BCR: variants seen among roughly 807,000 people sequenced by gnomAD.
BCR encodes the protein BCR activator of RhoGEF and GTPase.
Under a neutral mutation model 138.6 loss-of-function variants are expected in BCR, and 58 were observed. That is an observed-to-expected ratio of 0.42 (90% CI 0.34 to 0.52). The LOEUF (loss-of-function observed/expected upper bound fraction) is 0.52. Among genes scored for constraint, BCR ranks in the 20% least tolerant of loss-of-function variants. BCR has a pLI of 0.06. For synonymous variants in BCR, 786 were observed against 730.1 expected, an observed-to-expected ratio of 1.08 and a Z score of -1.23; for missense variants, 1,599 against 1,727.2, an observed-to-expected ratio of 0.93 and a Z score of 1.32.
intron 1 of BCR, among the ~76,000 whole-genome samples, chr22:23,228,551 A>AT (rs2072918825): frequency 6.6e-6 from 1 of 152,236 alleles, no homozygotes; most frequent in South Asian, 2.1e-4. Context: ...AAGAGGCCTT[A>AT]TAGGGCTAAG....
intron 1 of BCR, among the ~76,000 whole-genome samples, chr22:23,196,370 CTG>C (rs970161564): frequency 1.3e-5 from 2 of 152,168 alleles, no homozygotes; most frequent in African/African-American, 2.4e-5. Flanking sequence ...TGGCGAGACT[CTG>C]TGGATGGATC....
chr22:23,197,985 G>A (rs1159133611), intron 1 of BCR, among the ~76,000 whole-genome samples: 1 of 152,150 alleles, frequency 6.6e-6, no homozygotes, highest in Admixed American at 6.5e-5. Context: ...AGGAAGGACA[G>A]AAGCGTGGGT....
chr22:23,235,566 G>A lies in BCR; in HGVS notation c.1280-18233G>A, dbSNP rs1245464748. 4.7e-5 allele frequency among the ~76,000 whole-genome samples: 5 copies of A among 106,840 alleles called. 2 individuals are homozygous for A. The highest frequency in any genetic ancestry group is 1.4e-4 in the African/African-American group (5 of 36,980). 70.1% of individuals were successfully genotyped at this position (106,840 alleles called of 152,430 possible). A position where few individuals can be genotyped will look rare whatever the true frequency, so the allele number is the denominator to read the frequency against. Reference sequence around the variant, plus strand: ...CGGCATAATGTGGGGACTGCAGAGAGGAAGGGACATGTTTATGTCCCAGGT... The same window carrying A: ...CGGCATAATGTGGGGACTGCAGAGAAGAAGGGACATGTTTATGTCCCAGGT... On this transcript the variant is annotated intron_variant, in intron 1 of 22. Coordinates refer to ENST00000305877, the MANE Select transcript of BCR (RefSeq NM_004327.4).
At chr22:23,223,819 A>G (rs2072857474) in intron 1 of BCR, among the ~76,000 whole-genome samples, 1 of 152,056 alleles carries the variant, frequency 6.6e-6, no homozygotes, top group African/African-American at 2.4e-5. Flanking sequence ...GGGGGCTTTG[A>G]TTGCTGTCCC....
intron 1 of BCR, among the ~76,000 whole-genome samples, chr22:23,224,117 G>C (rs1470904183): frequency 5.3e-5 from 8 of 152,222 alleles, no homozygotes; most frequent in Non-Finnish European, 1.2e-4. Flanking sequence ...GACAGGCTCG[G>C]GCGCAGATCT....
At chr22:23,192,152 C>A (rs2072423470) in intron 1 of BCR, among the ~76,000 whole-genome samples, 1 of 152,166 alleles carries the variant, frequency 6.6e-6, no homozygotes, top group Admixed American at 6.5e-5. Context: ...ATGGAGGCTG[C>A]TTCATGGGCC....
intron 1 of BCR, among the ~76,000 whole-genome samples, chr22:23,207,236 G>A (rs1165215339): frequency 6.6e-6 from 1 of 151,216 alleles, no homozygotes; most frequent in Non-Finnish European, 1.5e-5. Flanking sequence ...TGATAAAGGG[G>A]TGCTGGGATG....
intron 5 of BCR, among the ~76,000 whole-genome samples, 176 bp downstream of exon 5, chr22:23,268,691 G>A (rs9612268): frequency 0.18 from 27,650 of 152,242 alleles, 2,934 homozygotes; most frequent in Middle Eastern, 0.3. Context: ...TGCGCAGACC[G>A]AAGGAGCAGC....
chr22:23,271,811 G>C (rs1227904332), intron 6 of BCR, among the ~76,000 whole-genome samples: 3 of 152,098 alleles, frequency 2.0e-5, no homozygotes, highest in African/African-American at 7.2e-5. Context: ...TAGCAACAAG[G>C]TGCTGCTTAA....
At chr22:23,274,136 G>A (rs2073543488) in intron 8 of BCR, among the ~76,000 whole-genome samples, 1 of 152,174 alleles carries the variant, frequency 6.6e-6, no homozygotes, top group African/African-American at 2.4e-5. Context: ...TAGGAGGATG[G>A]CATTTTGTCT....
chr22:23,268,981 C>G (rs2073477535), intron 5 of BCR, among the ~76,000 whole-genome samples: 1 of 152,256 alleles, frequency 6.6e-6, no homozygotes, highest in South Asian at 2.1e-4. Context: ...GGCACCTGTG[C>G]TCTGTGGACC....
At chr22:23,263,236 T>G in intron 4 of BCR, 1 of 1,023,874 alleles carries the variant, frequency 9.8e-7, no homozygotes, top group Non-Finnish European at 1.4e-6. Flanking sequence ...GAAGTGCTGC[T>G]GCTGCACATG....
At chr22:23,268,542 G>A (rs2073472152) in intron 5 of BCR, 27 bp downstream of exon 5, 1 of 1,580,944 alleles carries the variant, frequency 6.3e-7, no homozygotes. Flanking sequence ...GTTCAGACAG[G>A]TGCACCGCTG....
At chr22:23,266,066 C>T (rs879668862) in intron 4 of BCR, among the ~76,000 whole-genome samples, 3 of 152,034 alleles carry the variant, frequency 2.0e-5, no homozygotes, top group Non-Finnish European at 4.4e-5. Flanking sequence ...CTTTGCTTGT[C>T]TTCCATGACC....
At chr22:23,293,252 G>A (rs977295095) in intron 15 of BCR, among the ~76,000 whole-genome samples, 1 of 152,122 alleles carries the variant, frequency 6.6e-6, no homozygotes, top group African/African-American at 2.4e-5. Flanking sequence ...CTGTGACCTC[G>A]AAGGTCTCAT....
chr22:23,222,372 G>C (rs2072835053), intron 1 of BCR, among the ~76,000 whole-genome samples: 1 of 152,198 alleles, frequency 6.6e-6, no homozygotes. Context: ...TAAGTGGGAA[G>C]GTGGAACACA....
At chr22:23,251,565 G>T (rs1486264637) in intron 1 of BCR, among the ~76,000 whole-genome samples, 2 of 152,200 alleles carry the variant, frequency 1.3e-5, no homozygotes, top group Non-Finnish European at 2.9e-5. Context: ...GGCTCTCCCC[G>T]GCCTTCCACG....
intron 1 of BCR, among the ~76,000 whole-genome samples, chr22:23,183,333 G>A (rs1414460393): frequency 6.6e-6 from 1 of 152,172 alleles, no homozygotes; most frequent in Non-Finnish European, 1.5e-5. Context: ...TTTTTCTGCT[G>A]ATGGAGGAGT....
chr22:23,182,960 A>G (rs563148847), intron 1 of BCR, among the ~76,000 whole-genome samples: 31 of 152,152 alleles, frequency 2.0e-4, no homozygotes, highest in Middle Eastern at 3.2e-3. Context: ...GGCTTCACCC[A>G]TGATTATTCA....
Sources: gnomAD v4.1 joint callset for allele counts (sites outside exome capture counted in the v4.1 genomes callset) on GRCh38, gnomAD v4.1.1 for gene constraint, MANE v1.5 for transcripts, NCBI Gene and HGNC (gene_info 2026-07-23, HGNC 2026-07-21) for gene names.